Variants in GPHN observed in about 807,000 individuals in gnomAD.
The protein encoded by GPHN is gephyrin.
Under a neutral mutation model 95.5 loss-of-function variants are expected in GPHN, and 17 were observed. The ratio of observed to expected loss-of-function variants is 0.18; its 90% CI spans 0.12 to 0.27. The LOEUF is 0.27. Ranked by LOEUF, GPHN falls within the 10% of genes least tolerant of loss-of-function variation. The probability of loss-of-function intolerance (pLI) is 1.00; values close to 1 mark genes in which losing one functional copy is unlikely to be tolerated. For missense variants in GPHN, 660 were observed against 978.1 expected, an observed-to-expected ratio of 0.67 and a Z score of 4.34; for synonymous variants, 320 against 322.5, an observed-to-expected ratio of 0.99 and a Z score of 0.08.
chr14:66,930,132 C>A (rs1002390327), intron 8 of GPHN, among the ~76,000 whole-genome samples: 48 of 152,246 alleles, frequency 3.2e-4, no homozygotes, highest in African/African-American at 1.2e-3. Flanking sequence ...CATTTACATT[C>A]AGTGTTATTA....
chr14:67,453,315 T>C, the GPHN span, among the ~76,000 whole-genome samples: 1 of 152,292 alleles, frequency 6.6e-6, no homozygotes, highest in African/African-American at 2.4e-5. Flanking sequence ...CCAGCCATTG[T>C]GCAAAGGAAG....
At chr14:66,930,460 C>T (rs2066726531) in intron 8 of GPHN, among the ~76,000 whole-genome samples, 1 of 151,766 alleles carries the variant, frequency 6.6e-6, no homozygotes, top group Non-Finnish European at 1.5e-5. Flanking sequence ...AATTCATCCC[C>T]CCAGTTTTAA....
chr14:66,584,039 G>C (rs2140497924), intron 1 of GPHN, among the ~76,000 whole-genome samples: 1 of 152,190 alleles, frequency 6.6e-6, no homozygotes, highest in East Asian at 1.9e-4. Flanking sequence ...TCTTCCATTT[G>C]TTTGTAACCT....
the GPHN span, chr14:67,693,114 T>G: frequency 9.3e-7 from 1 of 1,076,480 alleles, no homozygotes; most frequent in Non-Finnish European, 1.4e-6. Flanking sequence ...AGTAGGTTCC[T>G]GCAACTCCCT....
chr14:66,725,740 G>A (rs1205060361), intron 2 of GPHN, among the ~76,000 whole-genome samples: 1 of 152,148 alleles, frequency 6.6e-6, no homozygotes. Context: ...TGAAAATACA[G>A]AATACTGAAT....
chr14:67,029,496 C>G (rs1296432801), intron 10 of GPHN, among the ~76,000 whole-genome samples: 1 of 152,176 alleles, frequency 6.6e-6, no homozygotes, highest in Non-Finnish European at 1.5e-5. Flanking sequence ...CGCCACCACA[C>G]CCAGCTAATT....
At chr14:67,501,615 C>G in the GPHN span, among the ~76,000 whole-genome samples, 1 of 152,180 alleles carries the variant, frequency 6.6e-6, no homozygotes, top group African/African-American at 2.4e-5. Context: ...AGATTAGGGA[C>G]AGGCCAATGA....
At chr14:66,925,573 C>G (rs945128009) in intron 8 of GPHN, among the ~76,000 whole-genome samples, 1 of 152,160 alleles carries the variant, frequency 6.6e-6, no homozygotes, top group Non-Finnish European at 1.5e-5. Context: ...ACAGTGTCTT[C>G]CAGTTCCATC....
intron 1 of GPHN, among the ~76,000 whole-genome samples, chr14:66,677,970 T>C (rs1438231015): frequency 2.0e-5 from 3 of 152,192 alleles, no homozygotes; most frequent in Non-Finnish European, 2.9e-5. Flanking sequence ...ACTGTTAGTC[T>C]GAAGGGGATT....
the GPHN span, among the ~76,000 whole-genome samples, chr14:67,309,030 G>A: frequency 6.6e-6 from 1 of 151,992 alleles, no homozygotes; most frequent in Non-Finnish European, 1.5e-5. Context: ...GAAAATGTTG[G>A]GCTGGAAGAT....
intron 18 of GPHN, among the ~76,000 whole-genome samples, chr14:67,149,961 T>G (rs1363970805): frequency 2.0e-5 from 3 of 152,176 alleles, no homozygotes; most frequent in Admixed American, 2.0e-4. Flanking sequence ...AATAACTATA[T>G]TCTTTTTAAA....
intron 3 of GPHN, among the ~76,000 whole-genome samples, chr14:66,799,395 A>G (rs111803700): frequency 0.019 from 2,921 of 152,054 alleles, 38 homozygotes; most frequent in Middle Eastern, 0.034. Flanking sequence ...GATCTTTCCA[A>G]TGCTTAAAGT....
chr14:67,392,454 C>G, the GPHN span: 1 of 1,549,152 alleles, frequency 6.5e-7, no homozygotes, highest in East Asian at 2.2e-5. Flanking sequence ...AGCAAGGACT[C>G]TGCTACAGAA....
the GPHN span, among the ~76,000 whole-genome samples, chr14:67,634,585 C>T: frequency 6.9e-5 from 10 of 145,650 alleles, no homozygotes; most frequent in African/African-American, 2.5e-4. Context: ...CAGAACCAGA[C>T]CGTGTCTCCA....
chr14:67,542,150 G>A, the GPHN span, among the ~76,000 whole-genome samples: 29,518 of 152,092 alleles, frequency 0.19, 3,040 homozygotes, highest in South Asian at 0.23. Flanking sequence ...ACCAAAGTCC[G>A]AGCAGTTTAC....
chr14:67,490,248 G>T, the GPHN span, among the ~76,000 whole-genome samples: 3 of 152,306 alleles, frequency 2.0e-5, no homozygotes, highest in South Asian at 6.2e-4. Context: ...GTCTCTGCAG[G>T]TGAAGGAAGC....
chr14:66,887,639 C>T (rs1002355463), intron 5 of GPHN, among the ~76,000 whole-genome samples: 2 of 152,126 alleles, frequency 1.3e-5, no homozygotes, highest in South Asian at 2.1e-4. Context: ...CACACATCCC[C>T]ACCACATTAC....
the GPHN span, among the ~76,000 whole-genome samples, chr14:67,378,843 C>A: frequency 1.3e-5 from 2 of 152,142 alleles, no homozygotes; most frequent in South Asian, 4.1e-4. Flanking sequence ...AATGTTTTAC[C>A]TTTCCAGACC....
At chr14:67,640,037 A>C in the GPHN span, among the ~76,000 whole-genome samples, 1 of 151,998 alleles carries the variant, frequency 6.6e-6, no homozygotes, top group Non-Finnish European at 1.5e-5. Context: ...CATTCTCTTA[A>C]GTCTAAAGTA....
Sources: allele counts gnomAD v4.1 joint callset (sites outside exome capture counted in the v4.1 genomes callset), GRCh38; gene constraint gnomAD v4.1.1; transcripts MANE v1.5; gene names NCBI Gene and HGNC (gene_info 2026-07-23, HGNC 2026-07-21).